DCDC1: variants seen among roughly 807,000 people sequenced by gnomAD.
DCDC1 encodes doublecortin domain-containing protein 1.
In DCDC1, 200 loss-of-function variants were observed where a neutral mutation model predicts 178.3. The ratio of observed to expected loss-of-function variants is 1.12; its 90% CI spans 1.00 to 1.26. The LOEUF (loss-of-function observed/expected upper bound fraction) is 1.26. DCDC1 is among the 50% of genes most tolerant of loss of function. The probability of loss-of-function intolerance (pLI) is 0.00; values close to 1 mark genes in which losing one functional copy is unlikely to be tolerated. For missense variants in DCDC1, 1,983 were observed against 1,749.2 expected, an observed-to-expected ratio of 1.13 and a Z score of -2.38; for synonymous variants, 690 against 604.8, an observed-to-expected ratio of 1.14 and a Z score of -2.07.
chr11:30,891,153 G>A (rs930718038), intron 36 of DCDC1, among the ~76,000 whole-genome samples: 2 of 152,100 alleles, frequency 1.3e-5, no homozygotes, highest in African/African-American at 4.8e-5. Context: ...AATTTAAAGA[G>A]ACCACAGACT....
intron 28 of DCDC1, 109 bp from the exon 29 acceptor site, chr11:30,909,225 C>CACA: frequency 1.1e-6 from 1 of 879,506 alleles, no homozygotes. Flanking sequence ...CATAATCCCA[C>CACA]CACACAGTGA....
chr11:31,278,979 C>T (rs1022127948), intron 7 of DCDC1, among the ~76,000 whole-genome samples: 2 of 151,990 alleles, frequency 1.3e-5, no homozygotes, highest in African/African-American at 4.8e-5. Flanking sequence ...CAATTTATGC[C>T]CCTTTCCTCA....
chr11:31,294,081 G>A (rs1356650412), intron 6 of DCDC1, among the ~76,000 whole-genome samples: 1 of 152,140 alleles, frequency 6.6e-6, no homozygotes, highest in Non-Finnish European at 1.5e-5. Context: ...CACACATCAA[G>A]GCACCAGGGC....
At chr11:31,082,158 C>T (rs1484974268) in intron 17 of DCDC1, among the ~76,000 whole-genome samples, 1 of 152,130 alleles carries the variant, frequency 6.6e-6, no homozygotes, top group Admixed American at 6.5e-5. Flanking sequence ...GAGCTATATT[C>T]CATCCAAGAA....
chr11:30,866,120 C>A (rs1039746597), intron 38 of DCDC1, among the ~76,000 whole-genome samples: 1 of 152,088 alleles, frequency 6.6e-6, no homozygotes, highest in Non-Finnish European at 1.5e-5. Context: ...AATTTGGACC[C>A]AAGGACACAG....
intron 7 of DCDC1, among the ~76,000 whole-genome samples, chr11:31,271,108 T>A (rs1945516477): frequency 6.6e-6 from 1 of 152,176 alleles, no homozygotes; most frequent in Non-Finnish European, 1.5e-5. Context: ...CCTTCCCTAA[T>A]TGCCTCTTCA....
intron 6 of DCDC1, among the ~76,000 whole-genome samples, chr11:31,294,559 G>A (rs1361445453): frequency 7.2e-6 from 1 of 138,198 alleles, no homozygotes; most frequent in East Asian, 2.2e-4. Context: ...CTCCAGCCTG[G>A]GCAACAAGAG....
intron 20 of DCDC1, among the ~76,000 whole-genome samples, chr11:30,980,875 G>T (rs949658122): frequency 2.6e-5 from 4 of 152,084 alleles, no homozygotes; most frequent in Admixed American, 2.0e-4. Context: ...CAAAGGAAGA[G>T]AAATCACTAT....
intron 20 of DCDC1, among the ~76,000 whole-genome samples, chr11:30,963,010 C>T (rs2134595039): frequency 6.6e-6 from 1 of 152,196 alleles, no homozygotes; most frequent in Non-Finnish European, 1.5e-5. Flanking sequence ...GAATCTGTTG[C>T]ATTCATCACC....
chr11:30,918,647 G>C lies in DCDC1; in HGVS notation c.3294-1619C>G, dbSNP rs576641917. 5.3e-5 allele frequency among the ~76,000 whole-genome samples: 8 copies of C among 152,204 alleles called. No homozygotes were observed. In the East Asian group the frequency reaches 1.5e-3, roughly 29 times the overall value. On this transcript the variant is annotated intron_variant, in intron 25 of 38. Coordinates refer to ENST00000684477, the MANE Select transcript of DCDC1 (RefSeq NM_001387274.1). ...ATCTAGAGGGAGAGCATTCCAAGCAGAGAAAAGAACAAATGAAAAGGCTAT... is the reference window on the plus strand; with the variant it reads ...ATCTAGAGGGAGAGCATTCCAAGCACAGAAAAGAACAAATGAAAAGGCTAT...
At position 31,066,098 on chromosome 11, in the gene DCDC1, C is replaced by T. The variant is rs143932122; in HGVS notation, c.2299-945G>A. On this transcript the variant is annotated intron_variant, in intron 18 of 38. Transcript: ENST00000684477. ...GTGTAATATTTCAGTTATGTTAATCCGGCCCATCTCTCTTTCCTTACATTT... is the reference window on the plus strand; with the variant it reads ...GTGTAATATTTCAGTTATGTTAATCTGGCCCATCTCTCTTTCCTTACATTT... Among the ~76,000 whole-genome samples, 647 of 152,164 alleles carry T rather than the reference C, an allele frequency of 4.3e-3. 1 individual carries two copies. The highest frequency in any genetic ancestry group is 0.015 in the African/African-American group (619 of 41,508).
intron 20 of DCDC1, among the ~76,000 whole-genome samples, chr11:31,035,285 C>T (rs1284385687): frequency 6.6e-6 from 1 of 152,162 alleles, no homozygotes; most frequent in Non-Finnish European, 1.5e-5. Context: ...AGCTAAACTA[C>T]AGGCTATGTA....
At chr11:30,899,144 A>AC (rs1390022743) in intron 34 of DCDC1, among the ~76,000 whole-genome samples, 1 of 152,044 alleles carries the variant, frequency 6.6e-6, no homozygotes, top group African/African-American at 2.4e-5. Flanking sequence ...AAAAAACAAA[A>AC]AAAAAAACTT....
At chr11:31,233,892 T>C (rs1234925012) in intron 9 of DCDC1, among the ~76,000 whole-genome samples, 2 of 152,188 alleles carry the variant, frequency 1.3e-5, no homozygotes, top group Non-Finnish European at 2.9e-5. Flanking sequence ...ATGTAGCTAT[T>C]GAGTAATCAA....
intron 21 of DCDC1, among the ~76,000 whole-genome samples, chr11:30,945,326 A>G (rs1172131604): frequency 6.6e-6 from 1 of 152,136 alleles, no homozygotes; most frequent in African/African-American, 2.4e-5. Context: ...GTTTTCTAAT[A>G]TAATTACCAT....
intron 7 of DCDC1, among the ~76,000 whole-genome samples, chr11:31,283,767 C>T (rs1262444650): frequency 6.6e-6 from 1 of 152,076 alleles, no homozygotes; most frequent in African/African-American, 2.4e-5. Flanking sequence ...GGAGTTCACC[C>T]TATGCATAAG....
chr11:31,037,363 T>C (rs984240401), intron 20 of DCDC1, among the ~76,000 whole-genome samples: 5 of 152,292 alleles, frequency 3.3e-5, no homozygotes, highest in African/African-American at 9.6e-5. Flanking sequence ...TAACATTTGT[T>C]TGTTTTTGCT....
intron 2 of DCDC1, among the ~76,000 whole-genome samples, chr11:31,328,945 C>CTTTTTTTTTTTT (rs1176942329): frequency 4.8e-4 from 23 of 47,804 alleles, no homozygotes; most frequent in African/African-American, 6.6e-4. Context: ...CACCACAAGG[C>CTTTTTTTTTTTT]TTTTTTTTTT....
chr11:30,907,445 C>T (rs1400503696), intron 29 of DCDC1, among the ~76,000 whole-genome samples: 1 of 152,086 alleles, frequency 6.6e-6, no homozygotes, highest in Admixed American at 6.5e-5. Flanking sequence ...TTCTTCTTTC[C>T]TTGAATCTGG....
Sources: gnomAD v4.1 joint callset for allele counts (sites outside exome capture counted in the v4.1 genomes callset) on GRCh38, gnomAD v4.1.1 for gene constraint, MANE v1.5 for transcripts, NCBI Gene and HGNC (gene_info 2026-07-23, HGNC 2026-07-21) for gene names.